Variants in STAG1 observed in about 807,000 individuals in gnomAD.
The protein encoded by STAG1 is STAG1 cohesin complex component.
In STAG1, 26 loss-of-function variants were observed where a neutral mutation model predicts 170.9. That is an observed-to-expected ratio of 0.15 (90% CI 0.11 to 0.21). STAG1 has a LOEUF of 0.21. STAG1 is among the 10% of genes least tolerant of loss of function. The probability of loss-of-function intolerance (pLI) is 1.00; values close to 1 mark genes in which losing one functional copy is unlikely to be tolerated. For missense variants in STAG1, 964 were observed against 1,509.5 expected (o/e 0.64, Z 5.99); for synonymous variants, 514 against 497.7 (o/e 1.03, Z -0.44).
At chr3:136,534,726 T>G (rs1016733921) in intron 6 of STAG1, among the ~76,000 whole-genome samples, 3 of 152,170 alleles carry the variant, frequency 2.0e-5, no homozygotes, top group African/African-American at 7.2e-5. Flanking sequence ...GAATGGCTAT[T>G]ATTAAAGAGA....
chr3:136,554,881 G>A (rs990704149), intron 5 of STAG1, among the ~76,000 whole-genome samples: 6 of 151,692 alleles, frequency 4.0e-5, no homozygotes, highest in Non-Finnish European at 5.9e-5. Context: ...GTGAGAACCC[G>A]TCTCAAAAAA....
Position 136,506,476 on chromosome 3 carries a change from CA to C in STAG1, c.677-3698del, listed in dbSNP as rs11414654. Reference sequence around the variant, plus strand: ...TGAAACCCCGTGTCTACTAAAAATACAAAAAAAAAAAAAAAAAAAATTTCCC... The same window carrying C: ...TGAAACCCCGTGTCTACTAAAAATACAAAAAAAAAAAAAAAAAAATTTCCC... On this transcript the variant is annotated intron_variant, in intron 7 of 33. Coordinates refer to ENST00000383202, the MANE Select transcript of STAG1 (RefSeq NM_005862.3). Among the ~76,000 whole-genome samples, 223 of 85,342 alleles carry C rather than the reference CA, an allele frequency of 2.6e-3. 1 individual carries two copies. Among genetic ancestry groups the C allele is most frequent in the East Asian group, 5.8e-3 (14 of 2,400 alleles). 56.0% of individuals were successfully genotyped at this position (85,342 alleles called of 152,430 possible). A position where few individuals can be genotyped will look rare whatever the true frequency, so the allele number is the denominator to read the frequency against.
intron 1 of STAG1, among the ~76,000 whole-genome samples, chr3:136,711,950 A>T (rs894962588): frequency 4.6e-5 from 7 of 152,240 alleles, no homozygotes; most frequent in African/African-American, 1.4e-4. Context: ...AAAAAATTTT[A>T]AAACAGAACA....
chr3:136,398,456 G>A (rs13082075), intron 22 of STAG1, among the ~76,000 whole-genome samples: 3 of 151,970 alleles, frequency 2.0e-5, no homozygotes, highest in Admixed American at 6.6e-5. Flanking sequence ...ACCTATCAGA[G>A]CTCTTGTGTC....
chr3:136,460,550 C>G (rs1425854350), intron 13 of STAG1, among the ~76,000 whole-genome samples: 1 of 151,928 alleles, frequency 6.6e-6, no homozygotes, highest in Admixed American at 6.6e-5. Flanking sequence ...TGCAGTAAGC[C>G]GAGACTGTGC....
chr3:136,703,414 T>C lies in STAG1; in HGVS notation c.-84+48781A>G, dbSNP rs1340641614. The stretch of plus-strand genomic sequence containing the variant: ...GGACAATAAGTGCCTTGTTCAAAAA[T>C]TGGGGTTGTGTGTTTTTATCTGCCT... On this transcript the variant is annotated intron_variant, in intron 1 of 33. Transcript: ENST00000383202. 2.0e-5 allele frequency among the ~76,000 whole-genome samples: 3 copies of C among 152,180 alleles called. No individual in the cohort carries two copies. The East Asian group carries it at 5.8e-4, about 29-fold the overall frequency.
chr3:136,353,905 T>A (rs531725645), intron 28 of STAG1, among the ~76,000 whole-genome samples: 9 of 152,354 alleles, frequency 5.9e-5, no homozygotes, highest in African/African-American at 2.2e-4. Context: ...AAACAATATG[T>A]ATGTTACTGT....
chr3:136,571,470 G>A (rs1412784529), intron 4 of STAG1, among the ~76,000 whole-genome samples: 2 of 152,094 alleles, frequency 1.3e-5, no homozygotes, highest in African/African-American at 4.8e-5. Context: ...TTGGGAGGCT[G>A]AGATAAGAGG....
At chr3:136,523,323 T>A (rs185660512) in intron 6 of STAG1, among the ~76,000 whole-genome samples, 69 of 152,346 alleles carry the variant, frequency 4.5e-4, no homozygotes, top group Non-Finnish European at 6.3e-4. Context: ...CGGCCAGAGA[T>A]AATGAGCATT....
intron 3 of STAG1, among the ~76,000 whole-genome samples, chr3:136,615,424 CAAAAAAA>C (rs35713077): frequency 3.9e-4 from 13 of 33,262 alleles, no homozygotes; most frequent in African/African-American, 7.5e-4. Flanking sequence ...AGACTTTGTC[CAAAAAAA>C]AAAAAAAAAA....
At chr3:136,510,292 A>C (rs931305624) in intron 7 of STAG1, among the ~76,000 whole-genome samples, 16 of 151,942 alleles carry the variant, frequency 1.1e-4, no homozygotes, top group African/African-American at 3.1e-4. Flanking sequence ...TCTTTGGATT[A>C]TTTTTCTTAT....
chr3:136,575,888 T>A (rs1184154408), intron 4 of STAG1, among the ~76,000 whole-genome samples: 3 of 152,040 alleles, frequency 2.0e-5, no homozygotes, highest in Non-Finnish European at 2.9e-5. Context: ...AGAAATGGAG[T>A]CTCTGTTTGC....
intron 21 of STAG1, among the ~76,000 whole-genome samples, chr3:136,415,519 A>C (rs1054074351): frequency 1.3e-5 from 2 of 152,208 alleles, no homozygotes; most frequent in African/African-American, 4.8e-5. Flanking sequence ...GAACCTTAAA[A>C]AGTGAGCTTG....
chr3:136,352,762 T>C (rs550841134), intron 28 of STAG1, among the ~76,000 whole-genome samples: 286 of 152,350 alleles, frequency 1.9e-3, no homozygotes, highest in African/African-American at 6.6e-3. Flanking sequence ...ATAGGCTTTG[T>C]GTTACATGAT....
chr3:136,388,880 T>C (rs2086933918), intron 22 of STAG1, among the ~76,000 whole-genome samples: 1 of 152,244 alleles, frequency 6.6e-6, no homozygotes, highest in South Asian at 2.1e-4. Flanking sequence ...AAACTTCTTT[T>C]ATCATTAATT....
At chr3:136,607,228 C>T (rs926377563) in intron 3 of STAG1, among the ~76,000 whole-genome samples, 1 of 152,132 alleles carries the variant, frequency 6.6e-6, no homozygotes. Flanking sequence ...GTATAGCCCA[C>T]ATTTAAGGGG....
intron 5 of STAG1, among the ~76,000 whole-genome samples, chr3:136,557,061 T>C (rs1303859472): frequency 2.0e-5 from 3 of 151,998 alleles, no homozygotes; most frequent in African/African-American, 7.2e-5. Flanking sequence ...GTTGAAACCC[T>C]GACTCTGCAA....
At chr3:136,658,393 T>A (rs549925562) in intron 1 of STAG1, among the ~76,000 whole-genome samples, 12 of 148,686 alleles carry the variant, frequency 8.1e-5, no homozygotes, top group South Asian at 2.1e-4. Flanking sequence ...ATAGGAAATT[T>A]AAAAAAAAAA....
intron 21 of STAG1, among the ~76,000 whole-genome samples, chr3:136,399,921 A>G (rs1432033260): frequency 6.6e-6 from 1 of 152,184 alleles, no homozygotes; most frequent in Non-Finnish European, 1.5e-5. Flanking sequence ...CTGAAAAGAA[A>G]CAAACTTTCT....
Sources: allele counts gnomAD v4.1 joint callset (sites outside exome capture counted in the v4.1 genomes callset), GRCh38; gene constraint gnomAD v4.1.1; transcripts MANE v1.5; gene names NCBI Gene and HGNC (gene_info 2026-07-23, HGNC 2026-07-21).